Variants in TNC observed in about 807,000 individuals in gnomAD.
The protein encoded by TNC is tenascin.
In TNC, 109 loss-of-function variants were observed where a neutral mutation model predicts 202.4. That is an observed-to-expected ratio of 0.54 (90% CI 0.46 to 0.63). The LOEUF (loss-of-function observed/expected upper bound fraction) is 0.63. TNC is among the 30% of genes least tolerant of loss of function. The pLI is 0.00. For synonymous variants in TNC, 1,007 were observed against 1,089.7 expected (o/e 0.92, Z 1.50); for missense variants, 2,756 against 2,833.3 (o/e 0.97, Z 0.62).
intron 1 of TNC, among the ~76,000 whole-genome samples, chr9:115,113,035 A>T (rs905230415): frequency 1.3e-5 from 2 of 152,166 alleles, no homozygotes; most frequent in Non-Finnish European, 2.9e-5. Context: ...TAGTAGAGAA[A>T]ACGTATTACA....
At position 115,059,857 on chromosome 9, in the gene TNC, G is replaced by A. The variant is rs1832413774; in HGVS notation, c.4179C>T (p.Leu1393=). 1 of 1,614,084 alleles carries A rather than the reference G, an allele frequency of 6.2e-7. No homozygotes were observed. The highest frequency in any genetic ancestry group is 8.5e-7 in the Non-Finnish European group (1 of 1,180,016). Residue 1393 remains leucine, a synonymous_variant, in exon 14 of 28, where the codon CTC becomes CTT. Coordinates refer to ENST00000350763, the MANE Select transcript of TNC (RefSeq NM_002160.4). ...CAGCCCTGAGGCTGCCAGGCAACGT[G>A]AGGTTCTGGGCTGCCTCCACTTTGT... is the stretch of plus-strand genomic sequence containing the variant. ...EVNKVEAAQN[L]TLPGSLRAVD... is the part of the protein sequence containing the mutation.
Position 115,059,935 on chromosome 9 carries a change from C to G in TNC, c.4101G>C (p.Trp1367Cys). Reference sequence around the variant, plus strand: ...GCTCATAGGCATTGTCAGCTGCGGTCCAGTTGAGTCTGAGGCCATCCCAGC... The same window carrying G: ...GCTCATAGGCATTGTCAGCTGCGGTGCAGTTGAGTCTGAGGCCATCCCAGC... ...EVGWDGLRLN[W>C]TAADNAYEHF... The change falls in exon 14 of 28, where the codon TGG becomes TGC. Residue 1367 changes from tryptophan to cysteine, a missense_variant. Physicochemically the swap from Trp to Cys is radical, Grantham distance 215. Around this residue, in one of 2 missense-constraint regions of TNC, gnomAD observed 2,559 missense variants for 2,546.0 expected, o/e 1.01. Transcript: ENST00000350763. 2 of 1,614,052 alleles carry G rather than the reference C, an allele frequency of 1.2e-6. No homozygotes were observed. The highest frequency in any genetic ancestry group is 1.7e-6 in the Non-Finnish European group (2 of 1,179,986).
At chr9:115,052,624 A>C (rs1325729447) in intron 15 of TNC, 4 of 597,860 alleles carry the variant, frequency 6.7e-6, no homozygotes, top group Non-Finnish European at 1.2e-5. Context: ...TTTGTCAATT[A>C]AAAATAAGAG....
chr9:115,090,944 G>A lies in TNC; in HGVS notation c.75C>T (p.Leu25=). The A allele has an allele frequency of 6.2e-7, 1 of 1,614,100 alleles. No homozygotes were observed. The highest frequency in any genetic ancestry group is 8.5e-7 in the Non-Finnish European group (1 of 1,180,014). The change falls in exon 2 of 28, where the codon CTC becomes CTT. Residue 25 remains leucine (L), a synonymous_variant. Transcript: ENST00000350763. ...FLALATEGGV[L]KKVIRHKRQS... is the part of the protein sequence containing the mutation. The stretch of plus-strand genomic sequence containing the variant: ...GTCGCTTGTGCCGGATGACTTTCTT[G>A]AGGACCCCACCTTCGGTAGCGAGGG...
At chr9:115,040,735 C>T (rs1830667597) in intron 19 of TNC, among the ~76,000 whole-genome samples, 1 of 152,170 alleles carries the variant, frequency 6.6e-6, no homozygotes, top group Non-Finnish European at 1.5e-5. Flanking sequence ...ACCCAGCTCA[C>T]CAGAGGCTGG....
intron 10 of TNC, among the ~76,000 whole-genome samples, chr9:115,068,730 A>G (rs1289190534): frequency 6.6e-6 from 1 of 152,184 alleles, no homozygotes; most frequent in Non-Finnish European, 1.5e-5. Flanking sequence ...TCACTAAGGT[A>G]AAGTTTCTCA....
chr9:115,032,207 GC>G (rs1234427521), intron 22 of TNC, among the ~76,000 whole-genome samples: 1 of 152,046 alleles, frequency 6.6e-6, no homozygotes, highest in African/African-American at 2.4e-5. Flanking sequence ...ATATAAGGAG[GC>G]AATAAGCGAC....
Position 115,073,583 on chromosome 9 carries a change from G to A in TNC, c.3214+20C>T. The A allele has an allele frequency of 6.2e-7, 1 of 1,602,430 alleles. No homozygotes were observed. On this transcript the variant is annotated intron_variant, in intron 10 of 27. Transcript: ENST00000350763. Reference sequence around the variant, plus strand: ...CTCAGAATCAACCTAGAGTTTGGAGGAAGCTCAGGGCAGACTCACCAGTGG... The same window carrying A: ...CTCAGAATCAACCTAGAGTTTGGAGAAAGCTCAGGGCAGACTCACCAGTGG...
At chr9:115,102,259 C>T (rs778939938) in intron 1 of TNC, among the ~76,000 whole-genome samples, 1 of 152,172 alleles carries the variant, frequency 6.6e-6, no homozygotes, top group Non-Finnish European at 1.5e-5. Flanking sequence ...AGCTATGAGT[C>T]AAGACCAGCC....
intron 1 of TNC, among the ~76,000 whole-genome samples, chr9:115,096,922 C>T (rs985638240): frequency 6.6e-6 from 1 of 152,156 alleles, no homozygotes; most frequent in Non-Finnish European, 1.5e-5. Context: ...CCAAGTTGCT[C>T]CAGGAACCAC....
intron 14 of TNC, 65 bp downstream of exon 14, chr9:115,059,665 G>T: frequency 1.4e-6 from 2 of 1,478,980 alleles, no homozygotes; most frequent in Non-Finnish European, 1.8e-6. Flanking sequence ...CTGACTCCGC[G>T]CATGATCTCT....
intron 1 of TNC, among the ~76,000 whole-genome samples, chr9:115,104,382 G>T (rs1836455837): frequency 6.6e-6 from 1 of 152,170 alleles, no homozygotes; most frequent in Non-Finnish European, 1.5e-5. Context: ...CTGTGAGATG[G>T]TTGCCTTTGT....
chr9:115,065,785 C>A (rs1832904607), intron 10 of TNC, among the ~76,000 whole-genome samples: 2 of 151,656 alleles, frequency 1.3e-5, no homozygotes, highest in African/African-American at 4.8e-5. Context: ...GCCTGTAATC[C>A]CAGCTACTTG....
chr9:115,094,399 G>GA (rs1357166858), intron 1 of TNC, among the ~76,000 whole-genome samples: 1 of 152,110 alleles, frequency 6.6e-6, no homozygotes, highest in Non-Finnish European at 1.5e-5. Context: ...ATGAGAGAGG[G>GA]AAAAAATAGG....
At position 115,087,069 on chromosome 9, in the gene TNC, C is replaced by T. The variant is rs1834815479; in HGVS notation, c.662G>A (p.Cys221Tyr). The T allele has an allele frequency of 6.2e-7, 1 of 1,613,570 alleles. No individual in the cohort carries two copies. The highest frequency in any genetic ancestry group is 1.3e-5 in the African/African-American group (1 of 75,048). The part of the protein sequence containing the change: ...FTGEDCSQLA[C>Y]PSDCNDQGKC... ...GCCCTGGTCATTGCAGTCGCTGGGG[C>T]AAGCCAGCTGGCTGCAGTCCTCGCC... Residue 221 changes from cysteine to tyrosine, a missense_variant, in exon 3 of 28, where the codon TGC (cysteine) becomes TAC (tyrosine). Physicochemically the swap from Cys to Tyr is radical, Grantham distance 194 (BLOSUM62 -2). This residue lies in a region of TNC where 2,559 missense variants were observed against 2,546.0 expected (regional missense o/e 1.01). Coordinates refer to ENST00000350763, the MANE Select transcript of TNC (RefSeq NM_002160.4).
Position 115,084,302 on chromosome 9 carries a change from G to T in TNC, c.2038C>A (p.Gln680Lys). ...VPGDQTSTII[Q>K]ELEPGVEYFI... ...TACTCCACACCAGGCTCCAGCTCCT[G>T]GATGATGGTGGACGTCTGGTCCCCA... The change falls in exon 4 of 28, where the codon CAG becomes AAG. Residue 680 changes from glutamine to lysine, a missense_variant. Transcript: ENST00000350763. The T allele has an allele frequency of 6.2e-7, 1 of 1,614,082 alleles. No individual in the cohort carries two copies.
In TNC at chr9:115,091,169, G is replaced by A; in HGVS notation, c.-136-15C>T. The A allele has an allele frequency of 1.5e-6, 1 of 649,092 alleles. No individual in the cohort carries two copies. Among genetic ancestry groups the A allele is most frequent in the Non-Finnish European group, 2.6e-6 (1 of 383,168 alleles). 40.2% of individuals were successfully genotyped at this position (649,092 alleles called of 1,614,324 possible). On this transcript the variant is annotated splice_polypyrimidine_tract_variant and intron_variant, in intron 1 of 27. Transcript: ENST00000350763. Reference sequence around the variant, plus strand: ...AGAATTATTTTCTACAAGCAAAGATGAACAAAAAAATTATGAGTATCTACT... The same window carrying A: ...AGAATTATTTTCTACAAGCAAAGATAAACAAAAAAATTATGAGTATCTACT...
intron 1 of TNC, among the ~76,000 whole-genome samples, chr9:115,098,199 G>T (rs1223815197): frequency 6.6e-6 from 1 of 152,190 alleles, no homozygotes; most frequent in Non-Finnish European, 1.5e-5. Flanking sequence ...CATTTCTTCA[G>T]ATTTTGGCAT....
At position 115,021,163 on chromosome 9, in the gene TNC, C is replaced by T; in HGVS notation, c.6600G>A (p.Arg2200=). 1 of 1,613,422 alleles carries T rather than the reference C, an allele frequency of 6.2e-7. No homozygotes were observed. The change falls in exon 28 of 28, where the codon CGG becomes CGA. Residue 2200 remains arginine (R), a synonymous_variant. Coordinates refer to ENST00000350763, the MANE Select transcript of TNC (RefSeq NM_002160.4). ...ACCCAGTGGTCCCTGGAATTTATGC[C>T]CGTTTGCGCCTGCCTTCAAGATTTC... ...NFRNLEGRRK[R]A is the part of the protein sequence containing the mutation.
Sources: gnomAD v4.1 joint callset for allele counts (sites outside exome capture counted in the v4.1 genomes callset) on GRCh38, gnomAD v4.1.1 for gene constraint, gnomAD v4.1.1 regional missense constraint, MANE v1.5 for transcripts, NCBI Gene and HGNC (gene_info 2026-07-23, HGNC 2026-07-21) for gene names.